FMNL2: variants seen among roughly 807,000 people sequenced by gnomAD.
FMNL2 encodes the protein formin-like protein 2.
Under a neutral mutation model 130.2 loss-of-function variants are expected in FMNL2, and 51 were observed. The observed-to-expected ratio is 0.39, with a 90% confidence interval of 0.31 to 0.49. The LOEUF (loss-of-function observed/expected upper bound fraction) is 0.49. FMNL2 is among the 20% of genes least tolerant of loss of function. The pLI, the probability that FMNL2 is intolerant of heterozygous loss-of-function variation, is 0.85. For missense variants in FMNL2, 977 were observed against 1,316.2 expected, an observed-to-expected ratio of 0.74 and a Z score of 3.99; for synonymous variants, 465 against 467.1, an observed-to-expected ratio of 1.00 and a Z score of 0.06.
chr2:152,387,029 G>A (rs1046396900), intron 1 of FMNL2, among the ~76,000 whole-genome samples: 1 of 152,140 alleles, frequency 6.6e-6, no homozygotes, highest in African/African-American at 2.4e-5. Context: ...AAGGTCATGA[G>A]GGAGGACTGG....
chr2:152,463,189 A>G (rs986594360), intron 1 of FMNL2, among the ~76,000 whole-genome samples: 3 of 152,212 alleles, frequency 2.0e-5, no homozygotes, highest in Non-Finnish European at 4.4e-5. Flanking sequence ...TGTAATGGAG[A>G]CCAACATTTA....
At chr2:152,595,635 T>A (rs1697721383) in intron 9 of FMNL2, among the ~76,000 whole-genome samples, 1 of 152,126 alleles carries the variant, frequency 6.6e-6, no homozygotes. Context: ...TGTTTGATAT[T>A]ATGGTGTCAG....
intron 1 of FMNL2, among the ~76,000 whole-genome samples, chr2:152,359,004 C>G (rs1683005282): frequency 6.6e-6 from 1 of 152,090 alleles, no homozygotes; most frequent in African/African-American, 2.4e-5. Flanking sequence ...ACAGATTGTA[C>G]CTACATATTA....
intron 1 of FMNL2, among the ~76,000 whole-genome samples, chr2:152,370,697 T>C (rs1683825624): frequency 6.6e-6 from 1 of 152,172 alleles, no homozygotes; most frequent in Admixed American, 6.5e-5. Context: ...AAGGACAAAG[T>C]AAAGAATCAT....
intron 1 of FMNL2, among the ~76,000 whole-genome samples, chr2:152,386,770 G>A (rs1431353078): frequency 6.6e-6 from 1 of 152,030 alleles, no homozygotes; most frequent in Non-Finnish European, 1.5e-5. Context: ...ACTGTCTTTT[G>A]GCATCCCGCC....
chr2:152,638,023 A>G (rs1456249435), intron 23 of FMNL2, among the ~76,000 whole-genome samples: 1 of 152,200 alleles, frequency 6.6e-6, no homozygotes, highest in Non-Finnish European at 1.5e-5. Flanking sequence ...GGTAGAAGTG[A>G]GCTGTGGGCT....
chr2:152,449,398 A>T (rs1452680615), intron 1 of FMNL2, among the ~76,000 whole-genome samples: 2 of 152,094 alleles, frequency 1.3e-5, no homozygotes, highest in African/African-American at 4.8e-5. Flanking sequence ...ATTTCTGCAA[A>T]ATTAATTAAC....
intron 1 of FMNL2, among the ~76,000 whole-genome samples, chr2:152,497,013 ATGT>A (rs1442669450): frequency 6.6e-6 from 1 of 152,060 alleles, no homozygotes; most frequent in Non-Finnish European, 1.5e-5. Context: ...TTGGTGCTAG[ATGT>A]GCTTATTGTT....
At chr2:152,548,911 C>A in intron 3 of FMNL2, 110 bp from the exon 4 acceptor site, 1 of 847,210 alleles carries the variant, frequency 1.2e-6, no homozygotes, top group South Asian at 2.4e-5. Flanking sequence ...GAGGGAAGCC[C>A]ATTTTAGAAG....
intron 1 of FMNL2, among the ~76,000 whole-genome samples, chr2:152,491,978 A>G (rs1021709182): frequency 2.0e-5 from 3 of 152,206 alleles, no homozygotes; most frequent in Non-Finnish European, 4.4e-5. Flanking sequence ...CAAACTATAT[A>G]TTGTAAAATA....
Position 152,647,880 on chromosome 2 carries a change from T to C in FMNL2, c.3254T>C (p.Val1085Ala). 6.2e-7 allele frequency: 1 copy of C among 1,613,570 alleles called. No individual in the cohort carries two copies. Among genetic ancestry groups the C allele is most frequent in the South Asian group, 1.1e-5 (1 of 91,038 alleles). Residue 1085 changes from valine (V) to alanine (A), a missense_variant, in exon 26 of 26, where the codon GTT (valine) becomes GCT (alanine). Physicochemically the swap from Val to Ala is moderately conservative, Grantham distance 64. This residue lies in a region of FMNL2 where 168 missense variants were observed against 168.8 expected (regional missense o/e 1.00). Coordinates refer to ENST00000288670, the MANE Select transcript of FMNL2 (RefSeq NM_052905.4). ...TTTGATGATCAGAACTTGCGTTCTGTTAATGGTGCCGAAATAACAATGTGA... is the reference window on the plus strand; with the variant it reads ...TTTGATGATCAGAACTTGCGTTCTGCTAATGGTGCCGAAATAACAATGTGA... The part of the protein sequence containing the change: ...RRFDDQNLRS[V>A]NGAEITM
chr2:152,587,739 G>A (rs1697165360), intron 9 of FMNL2, among the ~76,000 whole-genome samples: 1 of 152,154 alleles, frequency 6.6e-6, no homozygotes, highest in Admixed American at 6.5e-5. Flanking sequence ...ATTGTTAAGG[G>A]ATGAGTCATA....
chr2:152,524,162 A>G (rs969038018), intron 2 of FMNL2, among the ~76,000 whole-genome samples: 13 of 152,242 alleles, frequency 8.5e-5, no homozygotes, highest in Admixed American at 7.9e-4. Context: ...TACTAAATAC[A>G]TTCATGTTGA....
chr2:152,350,610 C>G (rs963080581), intron 1 of FMNL2, among the ~76,000 whole-genome samples: 3 of 152,186 alleles, frequency 2.0e-5, no homozygotes, highest in Non-Finnish European at 4.4e-5. Flanking sequence ...TATAGGTTGA[C>G]CTGGGACAGG....
At chr2:152,637,473 CCT>C (rs1682718022) in intron 22 of FMNL2, 98 bp from the exon 23 acceptor site, 2 of 885,686 alleles carry the variant, frequency 2.3e-6, no homozygotes, top group Non-Finnish European at 3.7e-6. Flanking sequence ...GCCATGGGAG[CCT>C]CTGTCTTGTG....
At chr2:152,619,414 G>A in intron 14 of FMNL2, 95 bp from the exon 15 acceptor site, 1 of 1,521,782 alleles carries the variant, frequency 6.6e-7, no homozygotes, top group Non-Finnish European at 8.8e-7. Flanking sequence ...CCTTTTAAGT[G>A]TGTTGTTTTC....
At position 152,640,920 on chromosome 2, in the gene FMNL2, A is replaced by T; in HGVS notation, c.3169+6A>T. On this transcript the variant is annotated splice_donor_region_variant and intron_variant, in intron 25 of 25. Transcript: ENST00000288670. Reference sequence around the variant, plus strand: ...CATTGAAGATATTATCACAGGTAAAAGATATTTCTTCACTGTGGCCCATGG... The same window carrying T: ...CATTGAAGATATTATCACAGGTAAATGATATTTCTTCACTGTGGCCCATGG... 14 of 1,613,474 alleles carry T rather than the reference A, an allele frequency of 8.7e-6. No individual in the cohort carries two copies. The highest frequency in any genetic ancestry group is 1.2e-5 in the Non-Finnish European group (14 of 1,179,562).
Position 152,619,005 on chromosome 2 carries a change from G to A in FMNL2, c.1474G>A (p.Ala492Thr), listed in dbSNP as rs1367663865. 2 of 1,614,038 alleles carry A rather than the reference G, an allele frequency of 1.2e-6. No individual in the cohort carries two copies. The highest frequency in any genetic ancestry group is 1.1e-5 in the South Asian group (1 of 91,086). The stretch of plus-strand genomic sequence containing the variant: ...TCAGAAGAAAGGGGATGGGGATATC[G>A]CCATACTGCCAGTTGTGGCTTCTGG... ...KIQKKGDGDI[A>T]ILPVVASGTL... Residue 492 changes from alanine to threonine, a missense_variant, in exon 14 of 26, where the codon GCC becomes ACC. Coordinates refer to ENST00000288670, the MANE Select transcript of FMNL2 (RefSeq NM_052905.4).
At chr2:152,478,373 G>A (rs1326924472) in intron 1 of FMNL2, among the ~76,000 whole-genome samples, 2 of 151,028 alleles carry the variant, frequency 1.3e-5, no homozygotes, top group Non-Finnish European at 3.0e-5. Context: ...AAGTAGCTGG[G>A]ATTACAGGCA....
Sources: gnomAD v4.1 joint callset for allele counts (sites outside exome capture counted in the v4.1 genomes callset) on GRCh38, gnomAD v4.1.1 for gene constraint, gnomAD v4.1.1 regional missense constraint, MANE v1.5 for transcripts, NCBI Gene and HGNC (gene_info 2026-07-23, HGNC 2026-07-21) for gene names.